Variants in MATN2 observed in about 807,000 individuals in gnomAD.
MATN2 encodes the protein matrilin-2.
In MATN2, 69 loss-of-function variants were observed where a neutral mutation model predicts 103.2. The observed-to-expected ratio is 0.67, with a 90% confidence interval of 0.55 to 0.82. The LOEUF (loss-of-function observed/expected upper bound fraction) is 0.82, where lower values mean the gene tolerates loss of function less well. MATN2 is among the 40% of genes least tolerant of loss of function. The pLI, the probability that MATN2 is intolerant of heterozygous loss-of-function variation, is 0.00. For synonymous variants in MATN2, 429 were observed against 450.2 expected (o/e 0.95, Z 0.60); for missense variants, 1,023 against 1,211.5 (o/e 0.84, Z 2.31).
At chr8:97,951,809 T>C (rs1385034205) in intron 4 of MATN2, among the ~76,000 whole-genome samples, 1 of 152,202 alleles carries the variant, frequency 6.6e-6, no homozygotes, top group Non-Finnish European at 1.5e-5. Context: ...GTTTCAGAGA[T>C]TCCCCCCTTC....
chr8:97,889,529 C>A (rs917154885), intron 2 of MATN2, among the ~76,000 whole-genome samples: 2 of 143,702 alleles, frequency 1.4e-5, no homozygotes, highest in East Asian at 4.5e-4. Context: ...TTGCAACCTC[C>A]GCCTCCTGGG....
intron 10 of MATN2, among the ~76,000 whole-genome samples, chr8:98,014,079 G>T (rs557626125): frequency 1.3e-5 from 2 of 152,200 alleles, no homozygotes; most frequent in Non-Finnish European, 2.9e-5. Flanking sequence ...CTGCACTCCA[G>T]CCTGGGCGAC....
At chr8:98,023,291 C>A (rs1202414245) in intron 13 of MATN2, among the ~76,000 whole-genome samples, 1 of 146,800 alleles carries the variant, frequency 6.8e-6, no homozygotes, top group Non-Finnish European at 1.5e-5. Context: ...ATTATATAAA[C>A]TCTTTGAGTC....
At position 97,888,276 on chromosome 8, in the gene MATN2, G is replaced by A. The variant is rs373581202; in HGVS notation, c.142+34G>A. 3,275 of 1,479,024 alleles carry A rather than the reference G, an allele frequency of 2.2e-3. 6 individuals are homozygous for A. Among genetic ancestry groups the A allele is most frequent in the Middle Eastern group, 3.0e-3 (13 of 4,328 alleles). 91.6% of individuals were successfully genotyped at this position (1,479,024 alleles called of 1,614,324 possible). The stretch of plus-strand genomic sequence containing the variant: ...TGGTGCTCACCCCCAAAAGTGGGCA[G>A]GTGGGGGTGGTTTGGGGAGGGCTCA... On this transcript the variant is annotated intron_variant, in intron 2 of 18. Transcript: ENST00000254898.
intron 7 of MATN2, among the ~76,000 whole-genome samples, chr8:98,000,227 T>C (rs1030631348): frequency 1.3e-5 from 2 of 152,072 alleles, no homozygotes; most frequent in African/African-American, 4.8e-5. Flanking sequence ...CTGGGTCCCA[T>C]TCACATTTCC....
intron 1 of MATN2, among the ~76,000 whole-genome samples, chr8:97,884,369 A>T (rs564428353): frequency 6.6e-6 from 1 of 151,612 alleles, no homozygotes; most frequent in African/African-American, 2.4e-5. Flanking sequence ...TGAACTCCTG[A>T]CCTCAGGTGA....
chr8:98,004,333 G>A (rs532993027), intron 8 of MATN2: 2 of 161,150 alleles, frequency 1.2e-5, no homozygotes, highest in Non-Finnish European at 2.8e-5. Context: ...GAACAGCACT[G>A]CTAGGCATAA....
chr8:97,980,294 G>A (rs1275419463), intron 6 of MATN2, among the ~76,000 whole-genome samples: 1 of 152,168 alleles, frequency 6.6e-6, no homozygotes, highest in East Asian at 1.9e-4. Flanking sequence ...TGCTGTGTTT[G>A]TGGTCTCCCT....
intron 3 of MATN2, among the ~76,000 whole-genome samples, chr8:97,938,231 G>A (rs140900482): frequency 4.6e-5 from 7 of 152,268 alleles, no homozygotes; most frequent in East Asian, 3.9e-4. Context: ...TCCTCTGCCC[G>A]TGGGTAATTT....
intron 1 of MATN2, among the ~76,000 whole-genome samples, chr8:97,873,392 A>G (rs1284280781): frequency 6.8e-6 from 1 of 146,462 alleles, no homozygotes; most frequent in Non-Finnish European, 1.5e-5. Context: ...TGTGTTGCCC[A>G]GGCTAGAGTG....
chr8:97,946,148 C>T (rs930118283), intron 4 of MATN2, among the ~76,000 whole-genome samples: 1 of 152,198 alleles, frequency 6.6e-6, no homozygotes, highest in Non-Finnish European at 1.5e-5. Context: ...AGGGGAGAAA[C>T]ACATCTTTTG....
intron 7 of MATN2, among the ~76,000 whole-genome samples, chr8:98,001,719 C>A (rs769421658): frequency 1.2e-4 from 18 of 152,030 alleles, no homozygotes; most frequent in Non-Finnish European, 2.6e-4. Flanking sequence ...CTCAAGTGAT[C>A]TGCCCACCTT....
intron 10 of MATN2, among the ~76,000 whole-genome samples, chr8:98,008,479 C>T (rs977538479): frequency 2.0e-5 from 3 of 152,240 alleles, no homozygotes; most frequent in Non-Finnish European, 4.4e-5. Flanking sequence ...CCTAATTTAT[C>T]CACTTTTTAT....
chr8:98,027,655 A>G lies in MATN2; in HGVS notation c.2182A>G (p.Met728Val). Residue 728 changes from methionine to valine, a missense_variant, in exon 14 of 19, where the codon ATG (methionine) becomes GTG (valine). Met to Val is a conservative substitution (Grantham distance 21). Transcript: ENST00000254898. Reference protein sequence around the residue: ...MKKAVAHMKYMGKGSMTGLAL... With the variant: ...MKKAVAHMKYVGKGSMTGLAL... ...AAAAGCCGTGGCCCACATGAAATAC[A>G]TGGGAAAGGGCTCTATGACTGGGCT... is the stretch of plus-strand genomic sequence containing the variant. 1 of 1,613,904 alleles carries G rather than the reference A, an allele frequency of 6.2e-7. No homozygotes were observed. The highest frequency in any genetic ancestry group is 8.5e-7 in the Non-Finnish European group (1 of 1,179,852).
intron 2 of MATN2, among the ~76,000 whole-genome samples, chr8:97,917,575 G>A (rs1809673975): frequency 6.6e-6 from 1 of 152,116 alleles, no homozygotes; most frequent in Non-Finnish European, 1.5e-5. Flanking sequence ...GCTCTGGCAG[G>A]ACAGGGAGCC....
intron 5 of MATN2, among the ~76,000 whole-genome samples, chr8:97,977,558 A>G (rs1426001592): frequency 6.6e-6 from 1 of 151,670 alleles, no homozygotes; most frequent in Non-Finnish European, 1.5e-5. Context: ...TTAAGCCTCC[A>G]CCCTTCCTCC....
intron 2 of MATN2, among the ~76,000 whole-genome samples, 171 bp from the exon 3 acceptor site, chr8:97,930,782 C>T (rs924987969): frequency 3.2e-4 from 49 of 152,104 alleles, no homozygotes; most frequent in African/African-American, 1.2e-3. Context: ...CCACCACACC[C>T]GGCTAATTTT....
chr8:97,894,596 A>G (rs1349431615), intron 2 of MATN2, among the ~76,000 whole-genome samples: 2 of 151,774 alleles, frequency 1.3e-5, no homozygotes, highest in Admixed American at 6.6e-5. Flanking sequence ...TGTTGGGATT[A>G]CAAGTGTGAA....
rs759218468 is a variant in MATN2, at chr8:97,941,906, T to C, written c.835+7T>C. 1 of 1,612,314 alleles carries C rather than the reference T, an allele frequency of 6.2e-7. No homozygotes were observed. The highest frequency in any genetic ancestry group is 1.7e-5 in the Admixed American group (1 of 59,956). On this transcript the variant is annotated splice_region_variant and intron_variant, in intron 4 of 18. Coordinates refer to ENST00000254898, the MANE Select transcript of MATN2 (RefSeq NM_002380.5). ...GATCAGACGACTTGCAGAAGTAAGA[T>C]TGCTTTGCTGATGTATTTGTGGTTT... is the stretch of plus-strand genomic sequence containing the variant.
Sources: allele counts gnomAD v4.1 joint callset (sites outside exome capture counted in the v4.1 genomes callset), GRCh38; gene constraint gnomAD v4.1.1; transcripts MANE v1.5; gene names NCBI Gene and HGNC (gene_info 2026-07-23, HGNC 2026-07-21).